Variants in XCR1 observed in about 807,000 individuals in gnomAD.
XCR1 encodes the protein chemokine XC receptor 1.
For missense variants in XCR1, 356 were observed against 424.2 expected (o/e 0.84, Z 1.41); for synonymous variants, 187 against 188.5 (o/e 0.99, Z 0.06).
chr3:46,057,872 T>TTATCTGTCTGTCTGTCTATC (rs1248887429), intron 4 of XCR1, among the ~76,000 whole-genome samples: 35 of 141,810 alleles, frequency 2.5e-4, no homozygotes, highest in African/African-American at 9.2e-4. Flanking sequence ...TATTATCATC[T>TTATCTGTCTGTCTGTCTATC]TATCTGTCTG....
At chr3:46,077,300 CAGT>C (rs1352043510) in intron 1 of XCR1, among the ~76,000 whole-genome samples, 2 of 152,066 alleles carry the variant, frequency 1.3e-5, no homozygotes, top group Non-Finnish European at 2.9e-5. Flanking sequence ...AGATCAGCAG[CAGT>C]ATTAGATTCT....
chr3:46,053,050 G>T (rs965356565), intron 5 of XCR1, among the ~76,000 whole-genome samples: 2 of 152,150 alleles, frequency 1.3e-5, no homozygotes, highest in Non-Finnish European at 2.9e-5. Context: ...CAGCAGCATG[G>T]TTCTATCCAG....
chr3:46,082,645 C>A (rs1186669220), intron 1 of XCR1, among the ~76,000 whole-genome samples: 1 of 143,436 alleles, frequency 7.0e-6, no homozygotes, highest in Admixed American at 7.5e-5. Context: ...AGTGCACCAC[C>A]ACACCCAGCT....
At chr3:46,085,749 A>G (rs1450546582) in intron 1 of XCR1, among the ~76,000 whole-genome samples, 2 of 152,136 alleles carry the variant, frequency 1.3e-5, no homozygotes, top group Non-Finnish European at 2.9e-5. Flanking sequence ...CTCCCTCTTG[A>G]GCTACAGATC....
chr3:46,055,008 G>A (rs1294902325), intron 4 of XCR1, among the ~76,000 whole-genome samples: 1 of 152,218 alleles, frequency 6.6e-6, no homozygotes, highest in Non-Finnish European at 1.5e-5. Context: ...TGTAACTCAG[G>A]GTGGGAGGAA....
intron 1 of XCR1, among the ~76,000 whole-genome samples, chr3:46,081,878 C>T (rs73830729): frequency 0.015 from 2,211 of 152,072 alleles, 48 homozygotes; most frequent in African/African-American, 0.049. Flanking sequence ...CTCATAGTTC[C>T]CTGTGTCTCT....
chr3:46,036,361 T>C (rs1697431268), intron 5 of XCR1, among the ~76,000 whole-genome samples: 2 of 152,228 alleles, frequency 1.3e-5, no homozygotes, highest in Admixed American at 1.3e-4. Flanking sequence ...GGATTACATA[T>C]GGGGCAAATA....
chr3:46,033,973 T>G (rs891761561), intron 5 of XCR1, among the ~76,000 whole-genome samples: 5 of 51,884 alleles, frequency 9.6e-5, no homozygotes, highest in Non-Finnish European at 1.6e-4. Flanking sequence ...TCATTGCTGT[T>G]TTTTTTTTCT....
At position 46,021,555 on chromosome 3, in the gene XCR1, T is replaced by C. The variant is rs374545138; in HGVS notation, c.393A>G (p.Val131=). 7.8e-5 allele frequency: 125 copies of C among 1,610,460 alleles called. No homozygotes were observed. Among genetic ancestry groups the C allele is most frequent in the Middle Eastern group, 1.6e-4 (1 of 6,074 alleles). The part of the protein sequence containing the change: ...TIMTIHRYLS[V]VSPLSTLRVP... ...CGCGCAGGGTGGAGAGGGGGCTCACTACCGACAGGTAGCGGTGGATGGTCA... is the reference window on the plus strand; with the variant it reads ...CGCGCAGGGTGGAGAGGGGGCTCACCACCGACAGGTAGCGGTGGATGGTCA... The change falls in exon 2 of 2, where the codon GTA becomes GTG. Residue 131 remains valine, a synonymous_variant. Coordinates refer to ENST00000309285, the MANE Select transcript of XCR1 (RefSeq NM_001024644.2). The surrounding 1 kb of genome is among the most constrained non-coding windows in gnomAD (Gnocchi z 4.7).
intron 1 of XCR1, chr3:46,023,370 C>A: frequency 1.4e-6 from 2 of 1,427,930 alleles, no homozygotes; most frequent in South Asian, 1.2e-5. Flanking sequence ...TAGCTGCAGG[C>A]AAATACGAAG....
chr3:46,077,349 C>T (rs1383623233), intron 1 of XCR1, among the ~76,000 whole-genome samples: 4 of 151,764 alleles, frequency 2.6e-5, no homozygotes, highest in Non-Finnish European at 5.9e-5. Context: ...ACTGTGCATG[C>T]GAGGGACCTA....
intron 5 of XCR1, among the ~76,000 whole-genome samples, chr3:46,046,902 C>T (rs952383426): frequency 6.6e-6 from 1 of 152,178 alleles, no homozygotes; most frequent in Non-Finnish European, 1.5e-5. Context: ...AAGCTCCCTG[C>T]AAATGGGCTT....
chr3:46,044,356 A>G (rs1399883047), intron 5 of XCR1, among the ~76,000 whole-genome samples: 1 of 152,108 alleles, frequency 6.6e-6, no homozygotes, highest in Non-Finnish European at 1.5e-5. Context: ...TGTGCTTGTT[A>G]GCTATTTGTA....
chr3:46,040,993 C>G (rs537807183), intron 5 of XCR1, among the ~76,000 whole-genome samples: 3 of 151,972 alleles, frequency 2.0e-5, no homozygotes, highest in East Asian at 1.9e-4. Flanking sequence ...ATTGCCGATT[C>G]TTTTTTGTTT....
upstream of XCR1, among the ~76,000 whole-genome samples, chr3:46,030,004 A>C (rs1312445755): frequency 6.6e-6 from 1 of 151,008 alleles, no homozygotes; most frequent in African/African-American, 2.4e-5. Flanking sequence ...TTATATATTG[A>C]TCTTGTACCT....
At chr3:46,037,083 C>T (rs1393044550) in intron 5 of XCR1, among the ~76,000 whole-genome samples, 2 of 152,044 alleles carry the variant, frequency 1.3e-5, no homozygotes, top group Non-Finnish European at 2.9e-5. Flanking sequence ...GAATTGTTCT[C>T]ATTTATAAAA....
chr3:46,075,142 GGCAGA>G (rs1264435085), intron 2 of XCR1, among the ~76,000 whole-genome samples: 2 of 151,570 alleles, frequency 1.3e-5, no homozygotes, highest in Non-Finnish European at 2.9e-5. Context: ...ATGTGATATT[GGCAGA>G]GGGACAGACA....
chr3:46,033,065 A>C (rs1708429480), intron 5 of XCR1, among the ~76,000 whole-genome samples: 1 of 151,614 alleles, frequency 6.6e-6, no homozygotes, highest in Admixed American at 6.6e-5. Flanking sequence ...TTCTCCCTGT[A>C]TCTGGCTTGT....
intron 1 of XCR1, chr3:46,023,651 A>G: frequency 7.2e-7 from 1 of 1,379,716 alleles, no homozygotes; most frequent in Non-Finnish European, 1.0e-6. Context: ...TCTCAGAAGT[A>G]CAGCCCTTCT....
Sources: allele counts gnomAD v4.1 joint callset (sites outside exome capture counted in the v4.1 genomes callset), GRCh38; gene constraint gnomAD v4.1.1; non-coding constraint Gnocchi (gnomAD v3.1); transcripts MANE v1.5; gene names NCBI Gene and HGNC (gene_info 2026-07-23, HGNC 2026-07-21).